MED13L: variants seen among roughly 807,000 people sequenced by gnomAD.
MED13L encodes the protein mediator complex subunit 13L.
Under a neutral mutation model 220.9 loss-of-function variants are expected in MED13L, and 7 were observed. That is an observed-to-expected ratio of 0.03 (90% CI 0.02 to 0.06). The LOEUF (loss-of-function observed/expected upper bound fraction) is 0.06, where lower values mean the gene tolerates loss of function less well. MED13L is among the 10% of genes least tolerant of loss of function. The pLI is 1.00. For synonymous variants in MED13L, 1,011 were observed against 1,015.2 expected, an observed-to-expected ratio of 1.00 and a Z score of 0.08; for missense variants, 1,965 against 2,760.5, an observed-to-expected ratio of 0.71 and a Z score of 6.46.
intron 4 of MED13L, among the ~76,000 whole-genome samples, chr12:116,093,577 T>C (rs947623721): frequency 6.6e-6 from 1 of 151,958 alleles, no homozygotes; most frequent in South Asian, 2.1e-4. Flanking sequence ...GGAGAACTCA[T>C]TCATCAGTAT....
At chr12:116,194,633 C>T (rs1881503196) in intron 2 of MED13L, among the ~76,000 whole-genome samples, 1 of 152,010 alleles carries the variant, frequency 6.6e-6, no homozygotes, top group Non-Finnish European at 1.5e-5. Flanking sequence ...GGCTGAACTG[C>T]ATAAAGAGAA....
At chr12:116,103,884 C>T (rs1035268660) in intron 3 of MED13L, among the ~76,000 whole-genome samples, 5 of 151,854 alleles carry the variant, frequency 3.3e-5, no homozygotes, top group African/African-American at 1.2e-4. Flanking sequence ...CACATTATAC[C>T]CAACGACTGT....
Position 116,237,612 on chromosome 12 carries a change from T to G in MED13L, c.166A>C (p.Ile56Leu). 1 of 1,614,170 alleles carries G rather than the reference T, an allele frequency of 6.2e-7. No individual in the cohort carries two copies. The highest frequency in any genetic ancestry group is 8.5e-7 in the Non-Finnish European group (1 of 1,180,036). The change falls in exon 2 of 31, where the codon ATT (isoleucine) becomes CTT (leucine). Residue 56 changes from isoleucine to leucine, a missense_variant. Transcript: ENST00000281928. The part of the protein sequence containing the change: ...IISAPAQDDP[I>L]LLSFIRCLQA... ...AGACAGCGGATGAAACTTAACAGAA[T>G]TGGATCATCTTGGGCTGGGGCTGAA...
At chr12:116,059,824 T>C (rs1320065830) in intron 4 of MED13L, among the ~76,000 whole-genome samples, 1 of 152,038 alleles carries the variant, frequency 6.6e-6, no homozygotes, top group African/African-American at 2.4e-5. Context: ...TGAAGAATGA[T>C]GGAAAAGAAA....
At chr12:115,995,598 A>AT (rs557338532) in intron 16 of MED13L, among the ~76,000 whole-genome samples, 2 of 152,016 alleles carry the variant, frequency 1.3e-5, no homozygotes, top group Non-Finnish European at 2.9e-5. Context: ...AAATTTTTGT[A>AT]TTTTTTGTAG....
chr12:116,271,204 C>CGTGT (rs140643991), intron 1 of MED13L, among the ~76,000 whole-genome samples: 42 of 149,766 alleles, frequency 2.8e-4, no homozygotes, highest in Non-Finnish European at 5.6e-4. Flanking sequence ...GAAACAAATA[C>CGTGT]GTGTGTGTGT....
intron 13 of MED13L, 81 bp downstream of exon 13, chr12:116,005,788 A>C (rs1445337028): frequency 2.6e-6 from 4 of 1,565,454 alleles, no homozygotes; most frequent in Non-Finnish European, 3.5e-6. Flanking sequence ...AGGACACCAA[A>C]CTATAAAGAA....
At chr12:116,152,629 G>A (rs892438502) in intron 2 of MED13L, among the ~76,000 whole-genome samples, 3 of 152,002 alleles carry the variant, frequency 2.0e-5, no homozygotes, top group South Asian at 2.1e-4. Context: ...CCAATGGCGT[G>A]GGGGGGAAAG....
chr12:115,990,710 T>C (rs1485683743), intron 17 of MED13L, among the ~76,000 whole-genome samples: 1 of 152,152 alleles, frequency 6.6e-6, no homozygotes, highest in East Asian at 1.9e-4. Flanking sequence ...GTGTGCAAAT[T>C]ATCAGTCTGT....
At chr12:116,256,926 C>T (rs1593218431) in intron 1 of MED13L, among the ~76,000 whole-genome samples, 1 of 152,084 alleles carries the variant, frequency 6.6e-6, no homozygotes, top group South Asian at 2.1e-4. Context: ...CCGCCCACCT[C>T]GGCCTCCCAA....
At chr12:116,000,301 T>G (rs1878657953) in intron 14 of MED13L, among the ~76,000 whole-genome samples, 1 of 152,172 alleles carries the variant, frequency 6.6e-6, no homozygotes, top group Non-Finnish European at 1.5e-5. Flanking sequence ...GTCTCTTCAA[T>G]TTTCTTCCCA....
chr12:116,109,773 C>T (rs1019070466), intron 3 of MED13L, among the ~76,000 whole-genome samples: 9 of 152,156 alleles, frequency 5.9e-5, no homozygotes, highest in African/African-American at 2.2e-4. Flanking sequence ...GAGTACTCAA[C>T]TCTTAAATCA....
chr12:116,026,104 TA>T (rs1369711369), intron 4 of MED13L, among the ~76,000 whole-genome samples: 1 of 151,808 alleles, frequency 6.6e-6, no homozygotes, highest in Non-Finnish European at 1.5e-5. Context: ...GAGAAGGATA[TA>T]GTTTGGAATG....
At position 116,111,437 on chromosome 12, in the gene MED13L, A is replaced by C; in HGVS notation, c.386T>G (p.Leu129Arg). 6.2e-7 allele frequency: 1 copy of C among 1,612,728 alleles called. No individual in the cohort carries two copies. The highest frequency in any genetic ancestry group is 8.5e-7 in the Non-Finnish European group (1 of 1,179,416). Residue 129 changes from leucine to arginine, a missense_variant, in exon 3 of 31, where the codon CTG becomes CGG. Coordinates refer to ENST00000281928, the MANE Select transcript of MED13L (RefSeq NM_015335.5). ...RTLLFKAIHN[L>R]LERCLMDKNF... is the part of the protein sequence containing the mutation. The stretch of plus-strand genomic sequence containing the variant: ...CTGTTCCTTCTCTTACCTTTCTAAC[A>C]GATTGTGGATCGCTTTGAAGAGCAG...
intron 1 of MED13L, among the ~76,000 whole-genome samples, chr12:116,259,511 GAAGT>G (rs1157537610): frequency 6.6e-6 from 1 of 152,172 alleles, no homozygotes; most frequent in African/African-American, 2.4e-5. Flanking sequence ...ACATGAAATT[GAAGT>G]AAGAGTTACT....
chr12:116,188,531 A>G (rs918021404), intron 2 of MED13L, among the ~76,000 whole-genome samples: 1 of 152,198 alleles, frequency 6.6e-6, no homozygotes, highest in African/African-American at 2.4e-5. Context: ...TTTGTGTGAG[A>G]TAGTCAGAGA....
At chr12:116,089,010 T>C (rs978011341) in intron 4 of MED13L, among the ~76,000 whole-genome samples, 1 of 152,042 alleles carries the variant, frequency 6.6e-6, no homozygotes, top group Non-Finnish European at 1.5e-5. Flanking sequence ...AAGCAATTAT[T>C]GTAAGCAGCT....
chr12:116,077,025 C>T lies in MED13L; in HGVS notation c.479+19644G>A, dbSNP rs1057143679. On this transcript the variant is annotated intron_variant, in intron 4 of 30. Coordinates refer to ENST00000281928, the MANE Select transcript of MED13L (RefSeq NM_015335.5). ...AGTGCAGTCTTTCCTTGAGACACCACGGTGACATGTGTCTGTCTTACTGCT... is the reference window on the plus strand; with the variant it reads ...AGTGCAGTCTTTCCTTGAGACACCATGGTGACATGTGTCTGTCTTACTGCT... Among the ~76,000 whole-genome samples, 7 of 150,610 alleles carry T rather than the reference C, an allele frequency of 4.6e-5. 1 individual carries two copies. The East Asian group carries it at 1.2e-3, about 25-fold the overall frequency.
intron 3 of MED13L, among the ~76,000 whole-genome samples, chr12:116,106,769 C>T (rs1873614494): frequency 6.6e-6 from 1 of 151,544 alleles, no homozygotes; most frequent in Admixed American, 6.6e-5. Context: ...TCGCTTGAAA[C>T]CGAGAGGCAG....
Sources: allele counts gnomAD v4.1 joint callset (sites outside exome capture counted in the v4.1 genomes callset), GRCh38; gene constraint gnomAD v4.1.1; transcripts MANE v1.5; gene names NCBI Gene and HGNC (gene_info 2026-07-23, HGNC 2026-07-21).